Variants in CHCHD6 observed in about 807,000 individuals in gnomAD.
The protein encoded by CHCHD6 is MICOS complex subunit MIC25.
Under a neutral mutation model 32.3 loss-of-function variants are expected in CHCHD6, and 28 were observed. The observed-to-expected ratio is 0.87, with a 90% confidence interval of 0.64 to 1.19. The LOEUF is 1.19. CHCHD6 is among the 50% of genes most tolerant of loss of function. The probability of loss-of-function intolerance (pLI) is 0.00; values close to 1 mark genes in which losing one functional copy is unlikely to be tolerated. For missense variants in CHCHD6, 333 were observed against 307.0 expected (o/e 1.08, Z -0.63); for synonymous variants, 122 against 117.5 (o/e 1.04, Z -0.25).
At chr3:126,937,663 G>A (rs1045255640) in intron 6 of CHCHD6, among the ~76,000 whole-genome samples, 1 of 152,192 alleles carries the variant, frequency 6.6e-6, no homozygotes, top group African/African-American at 2.4e-5. Context: ...GGGCTTTCCT[G>A]TCTGCATGGG....
intron 4 of CHCHD6, among the ~76,000 whole-genome samples, chr3:126,840,765 T>C (rs994403024): frequency 6.6e-6 from 1 of 152,192 alleles, no homozygotes; most frequent in Non-Finnish European, 1.5e-5. Context: ...TTTAGTACTT[T>C]ATGTGTATGA....
intron 4 of CHCHD6, among the ~76,000 whole-genome samples, chr3:126,789,002 A>G (rs1428859882): frequency 1.3e-5 from 2 of 152,160 alleles, no homozygotes; most frequent in Non-Finnish European, 2.9e-5. Context: ...AATGTGTCCC[A>G]GAGATTCTGG....
chr3:126,885,115 G>C (rs931859088), intron 5 of CHCHD6, among the ~76,000 whole-genome samples: 1 of 152,188 alleles, frequency 6.6e-6, no homozygotes, highest in African/African-American at 2.4e-5. Flanking sequence ...CCAGTGCTGT[G>C]CCCATTCCAG....
rs570619734 is a variant in CHCHD6 at position 126,898,523 on chromosome 3, G to GTTTAGT, written c.496-16155_496-16154insTAGTTT. Among the ~76,000 whole-genome samples, 9 of 152,184 alleles carry GTTTAGT rather than the reference G, an allele frequency of 5.9e-5. 1 individual carries two copies. The highest frequency in any genetic ancestry group is 3.9e-4 in the Admixed American group (6 of 15,282). Reference sequence around the variant, plus strand: ...GGTGGTGAATTTATTTATTTAGTTAGTTAGTTTAGTTTAGTTTAGTTTAGT... The same window carrying GTTTAGT: ...GGTGGTGAATTTATTTATTTAGTTAGTTTAGTTTAGTTTAGTTTAGTTTAGTTTAGT... On this transcript the variant is annotated intron_variant, in intron 5 of 7. Coordinates refer to ENST00000290913, the MANE Select transcript of CHCHD6 (RefSeq NM_032343.3).
chr3:126,753,269 A>C (rs766338573), intron 4 of CHCHD6, among the ~76,000 whole-genome samples: 1 of 152,188 alleles, frequency 6.6e-6, no homozygotes, highest in Non-Finnish European at 1.5e-5. Context: ...CAGCCGTTGC[A>C]TGAAGGAACC....
chr3:126,906,556 C>G (rs1465799818), intron 5 of CHCHD6, among the ~76,000 whole-genome samples: 1 of 152,182 alleles, frequency 6.6e-6, no homozygotes, highest in Non-Finnish European at 1.5e-5. Flanking sequence ...CAGACCTCTC[C>G]CAGTCTTGAC....
intron 1 of CHCHD6, among the ~76,000 whole-genome samples, chr3:126,706,939 C>T (rs1409511030): frequency 2.6e-5 from 4 of 152,096 alleles, no homozygotes; most frequent in African/African-American, 9.7e-5. Context: ...ATTCCTGAGG[C>T]CTGGTCTTAG....
At chr3:126,938,268 G>A (rs6790889) in intron 6 of CHCHD6, among the ~76,000 whole-genome samples, 8,636 of 152,260 alleles carry the variant, frequency 0.057, 777 homozygotes, top group African/African-American at 0.19. Flanking sequence ...TAGCCAGAGC[G>A]ACAGCTGGAG....
In CHCHD6 at chr3:126,946,253, G is replaced by A. The variant is rs1005321521; in HGVS notation, c.567-11163G>A. Among the ~76,000 whole-genome samples the A allele has an allele frequency of 6.0e-4, 91 of 152,322 alleles. 2 individuals carry two copies. The highest frequency in any genetic ancestry group is 4.1e-4 in the Non-Finnish European group (28 of 68,022). On this transcript the variant is annotated intron_variant, in intron 6 of 7. Transcript: ENST00000290913. ...TGCCCTTTCCTTCCGCCTTGCCAAA[G>A]CCCAGAAAGCGCCCCACCTGGCTTC...
At chr3:126,755,863 T>C (rs917714037) in intron 4 of CHCHD6, among the ~76,000 whole-genome samples, 1 of 151,984 alleles carries the variant, frequency 6.6e-6, no homozygotes, top group African/African-American at 2.4e-5. Context: ...TGTGTGTGTG[T>C]GTGTGTAGAC....
chr3:126,715,190 C>T lies in CHCHD6; in HGVS notation c.87+10791C>T, dbSNP rs75849573. ...CTATGAAAAGGGTTACTTGTCACCT[C>T]AGAGCAGCTCCATGTTACTGCCTTT... is the stretch of plus-strand genomic sequence containing the variant. On this transcript the variant is annotated intron_variant, in intron 1 of 7. Coordinates refer to ENST00000290913, the MANE Select transcript of CHCHD6 (RefSeq NM_032343.3). Among the ~76,000 whole-genome samples, 289 of 152,246 alleles carry T rather than the reference C, an allele frequency of 1.9e-3. 1 individual carries two copies. Among genetic ancestry groups the T allele is most frequent in the African/African-American group, 6.5e-3 (270 of 41,530 alleles).
At chr3:126,741,723 G>A (rs1936295579) in intron 4 of CHCHD6, among the ~76,000 whole-genome samples, 1 of 152,190 alleles carries the variant, frequency 6.6e-6, no homozygotes, top group South Asian at 2.1e-4. Context: ...AGCCTCCCAT[G>A]TGATTCTGGT....
At chr3:126,953,087 CT>C (rs2078737950) in intron 6 of CHCHD6, 1 of 985,578 alleles carries the variant, frequency 1.0e-6, no homozygotes, top group Non-Finnish European at 1.2e-6. Context: ...TGCCATTCTC[CT>C]GCCATCCTCT....
At chr3:126,910,501 G>A (rs552656994) in intron 5 of CHCHD6, among the ~76,000 whole-genome samples, 8 of 152,236 alleles carry the variant, frequency 5.3e-5, no homozygotes, top group Admixed American at 1.3e-4. Context: ...ACTGCTGCCT[G>A]TGTTCAGGAG....
At chr3:126,919,334 G>A in intron 6 of CHCHD6, among the ~76,000 whole-genome samples, 1 of 57,362 alleles carries the variant, frequency 1.7e-5, no homozygotes, top group South Asian at 4.9e-4. Context: ...TTTTTTTTTT[G>A]AGACAAGGTC....
chr3:126,859,980 C>A (rs1174985944), intron 5 of CHCHD6, among the ~76,000 whole-genome samples: 2 of 152,174 alleles, frequency 1.3e-5, no homozygotes. Flanking sequence ...TTCCCCAGCA[C>A]TGGAGAAGGA....
At chr3:126,755,614 C>A (rs1374125486) in intron 4 of CHCHD6, among the ~76,000 whole-genome samples, 10 of 152,116 alleles carry the variant, frequency 6.6e-5, no homozygotes, top group Non-Finnish European at 1.5e-4. Context: ...ACAACTGTCT[C>A]ATTAAATGCA....
At chr3:126,888,056 C>T (rs553997301) in intron 5 of CHCHD6, among the ~76,000 whole-genome samples, 2 of 152,344 alleles carry the variant, frequency 1.3e-5, no homozygotes, top group Non-Finnish European at 2.9e-5. Flanking sequence ...GAGGGGCCCT[C>T]AGCCAGAGTC....
chr3:126,804,344 G>C (rs1278535876), intron 4 of CHCHD6, among the ~76,000 whole-genome samples: 2 of 151,882 alleles, frequency 1.3e-5, no homozygotes, highest in Non-Finnish European at 2.9e-5. Context: ...AAAGAGAGAA[G>C]AATCAAATAG....
Sources: allele counts gnomAD v4.1 joint callset (sites outside exome capture counted in the v4.1 genomes callset), GRCh38; gene constraint gnomAD v4.1.1; transcripts MANE v1.5; gene names NCBI Gene and HGNC (gene_info 2026-07-23, HGNC 2026-07-21).